The following RORB variants were observed in gnomAD, a reference collection of about 807,000 sequenced individuals.
RORB encodes the protein RAR related orphan receptor B.
A neutral mutation model predicts 59.1 loss-of-function variants in RORB; 6 were observed. The ratio of observed to expected loss-of-function variants is 0.10; its 90% confidence interval spans 0.06 to 0.20. The LOEUF is 0.20. Ranked by LOEUF, RORB falls within the 10% of genes least tolerant of loss-of-function variation. The pLI is 1.00. For missense variants in RORB, 320 were observed against 560.5 expected, an observed-to-expected ratio of 0.57 and a Z score of 4.33; for synonymous variants, 215 against 204.5, an observed-to-expected ratio of 1.05 and a Z score of -0.44.
intron 1 of RORB, among the ~76,000 whole-genome samples, chr9:74,569,968 T>C (rs1822527232): frequency 6.6e-6 from 1 of 152,044 alleles, no homozygotes; most frequent in South Asian, 2.1e-4. Context: ...TCTCCTCCCC[T>C]CCTATGTTCC....
intron 1 of RORB, among the ~76,000 whole-genome samples, chr9:74,527,750 G>A (rs914727929): frequency 2.6e-5 from 4 of 151,986 alleles, no homozygotes; most frequent in Admixed American, 2.0e-4. Context: ...CCTGTCTTGG[G>A]AGTTTAGGAG....
chr9:74,605,774 G>T (rs916890646), intron 1 of RORB, among the ~76,000 whole-genome samples: 1 of 152,170 alleles, frequency 6.6e-6, no homozygotes, highest in South Asian at 2.1e-4. Context: ...GGGCTTAAAT[G>T]CTCAAACAGA....
At chr9:74,547,619 A>G (rs1826521233) in intron 1 of RORB, among the ~76,000 whole-genome samples, 1 of 152,202 alleles carries the variant, frequency 6.6e-6, no homozygotes, top group African/African-American at 2.4e-5. Flanking sequence ...ATATCTGCTT[A>G]ACAGCACCCC....
rs1018212259 is a variant in RORB at position 74,686,776 on chromosome 9, T to C, written c.*1158T>C. On this transcript the variant is annotated 3_prime_UTR_variant, in exon 10 of 10. Transcript: ENST00000376896. ...CCCAGAGTGAAGAAGTAATTCTTTA[T>C]ATTCCTTTCTTTAATGTATTTGTTA... 6.6e-6 allele frequency: 1 copy of C among 152,606 alleles called. No individual in the cohort carries two copies. The highest frequency in any genetic ancestry group is 1.5e-5 in the Non-Finnish European group (1 of 68,018). 9.5% of individuals were successfully genotyped at this position (152,606 alleles called of 1,614,324 possible). A position where few individuals can be genotyped will look rare whatever the true frequency, so the allele number is the denominator to read the frequency against.
At position 74,497,872 on chromosome 9, in the gene RORB, T is replaced by C. The variant is rs1320148104; in HGVS notation, c.-105T>C. On this transcript the variant is annotated 5_prime_UTR_variant, in exon 1 of 10. Transcript: ENST00000376896. ...ATGGTTTTCTCGGCAGAGCAGCTCT[T>C]CGCCGACCACCTTCTTCACTCGTGC... is the stretch of plus-strand genomic sequence containing the variant. 3 of 1,424,062 alleles carry C rather than the reference T, an allele frequency of 2.1e-6. No individual in the cohort carries two copies. Among genetic ancestry groups the C allele is most frequent in the Non-Finnish European group, 1.9e-6 (2 of 1,028,190 alleles). The allele number at this position is 1,424,062 out of a possible 1,614,324, so 88.2% of individuals were successfully genotyped here.
At chr9:74,564,067 C>T (rs982707981) in intron 1 of RORB, among the ~76,000 whole-genome samples, 4 of 152,166 alleles carry the variant, frequency 2.6e-5, no homozygotes, top group Admixed American at 2.0e-4. Context: ...TATCATCAAG[C>T]TGTCATGTGC....
intron 1 of RORB, among the ~76,000 whole-genome samples, chr9:74,562,732 A>G (rs972902): frequency 0.41 from 62,926 of 152,144 alleles, 14,024 homozygotes; most frequent in East Asian, 0.77. Flanking sequence ...GAATGAGAGC[A>G]CACAACTAGG....
chr9:74,642,396 C>T lies in RORB; in HGVS notation c.236-18C>T. 6.3e-7 allele frequency: 1 copy of T among 1,588,606 alleles called. No homozygotes were observed. The highest frequency in any genetic ancestry group is 8.6e-7 in the Non-Finnish European group (1 of 1,166,656). ...TGATAACCACAAGTGCTGTTTTCTGCTTTTCTCTCCAACCCAGCTGTGAAG... is the reference window on the plus strand; with the variant it reads ...TGATAACCACAAGTGCTGTTTTCTGTTTTTCTCTCCAACCCAGCTGTGAAG... On this transcript the variant is annotated intron_variant, in intron 3 of 9. Transcript: ENST00000376896.
At chr9:74,618,077 C>T (rs1823342052) in intron 1 of RORB, among the ~76,000 whole-genome samples, 1 of 152,016 alleles carries the variant, frequency 6.6e-6, no homozygotes, top group African/African-American at 2.4e-5. Context: ...ATTGTAGCAT[C>T]ATCTATGTTC....
chr9:74,581,782 T>A (rs1822727138), intron 1 of RORB, among the ~76,000 whole-genome samples: 1 of 152,162 alleles, frequency 6.6e-6, no homozygotes. Context: ...AATTCATGAG[T>A]GCAAGTAGGC....
intron 8 of RORB, among the ~76,000 whole-genome samples, 181 bp downstream of exon 8, chr9:74,668,082 C>T (rs1267952366): frequency 6.6e-6 from 1 of 152,104 alleles, no homozygotes; most frequent in African/African-American, 2.4e-5. Context: ...ATTAAAATGA[C>T]CAATTTTGGC....
intron 1 of RORB, among the ~76,000 whole-genome samples, chr9:74,586,106 T>C (rs1478028473): frequency 6.6e-6 from 1 of 151,976 alleles, no homozygotes; most frequent in African/African-American, 2.4e-5. Context: ...ACAGGACATA[T>C]TTAAAGAGCA....
chr9:74,633,341 A>T (rs1236521414), intron 2 of RORB, among the ~76,000 whole-genome samples: 4 of 152,188 alleles, frequency 2.6e-5, no homozygotes, highest in Non-Finnish European at 5.9e-5. Context: ...GAGGAAACAC[A>T]GAAGCTGTTT....
intron 1 of RORB, among the ~76,000 whole-genome samples, chr9:74,574,319 G>A (rs543032320): frequency 2.6e-5 from 4 of 152,204 alleles, no homozygotes; most frequent in South Asian, 4.2e-4. Context: ...GAAAGTTTAC[G>A]AGGGGAAATA....
At chr9:74,666,447 C>T (rs1219980198) in intron 7 of RORB, among the ~76,000 whole-genome samples, 2 of 149,364 alleles carry the variant, frequency 1.3e-5, no homozygotes, top group African/African-American at 2.5e-5. Context: ...GGTGACAAAG[C>T]GAGACCCTGT....
chr9:74,541,589 G>T (rs1170366150), intron 1 of RORB, among the ~76,000 whole-genome samples: 1 of 152,090 alleles, frequency 6.6e-6, no homozygotes, highest in Non-Finnish European at 1.5e-5. Flanking sequence ...TGAAGTTTTA[G>T]ATATGATGTC....
At chr9:74,655,595 CT>C (rs1824065911) in intron 4 of RORB, among the ~76,000 whole-genome samples, 1 of 152,114 alleles carries the variant, frequency 6.6e-6, no homozygotes, top group Non-Finnish European at 1.5e-5. Flanking sequence ...TTACTATTAC[CT>C]TTTCTACTTT....
intron 1 of RORB, among the ~76,000 whole-genome samples, chr9:74,517,608 T>C (rs1826027111): frequency 6.6e-6 from 1 of 152,096 alleles, no homozygotes; most frequent in Non-Finnish European, 1.5e-5. Context: ...GACATTTTAA[T>C]CTAATTTTAT....
chr9:74,631,011 G>C (rs1823609132), intron 2 of RORB, among the ~76,000 whole-genome samples: 1 of 152,152 alleles, frequency 6.6e-6, no homozygotes, highest in Non-Finnish European at 1.5e-5. Flanking sequence ...GTAAAGAACA[G>C]AGCATGGCCA....
Sources: gnomAD v4.1 joint callset for allele counts (sites outside exome capture counted in the v4.1 genomes callset) on GRCh38, gnomAD v4.1.1 for gene constraint, MANE v1.5 for transcripts, NCBI Gene and HGNC (gene_info 2026-07-23, HGNC 2026-07-21) for gene names.